Variants in CUL2 observed in about 807,000 individuals in gnomAD.
CUL2 encodes cullin 2.
A neutral mutation model predicts 110.2 loss-of-function variants in CUL2; 22 were observed. The ratio of observed to expected loss-of-function variants is 0.20; its 90% CI spans 0.14 to 0.28. CUL2 has a LOEUF of 0.28. Ranked by LOEUF, CUL2 falls within the 10% of genes least tolerant of loss-of-function variation. The probability of loss-of-function intolerance (pLI) is 1.00; values close to 1 mark genes in which losing one functional copy is unlikely to be tolerated. For missense variants in CUL2, 631 were observed against 905.5 expected, an observed-to-expected ratio of 0.70 and a Z score of 3.89; for synonymous variants, 279 against 293.2, an observed-to-expected ratio of 0.95 and a Z score of 0.49.
chr10:35,056,095 T>C (rs934661213), intron 4 of CUL2, among the ~76,000 whole-genome samples: 4 of 152,250 alleles, frequency 2.6e-5, no homozygotes, highest in African/African-American at 9.6e-5. Flanking sequence ...AATAATCCTA[T>C]GCTTTTATTG....
chr10:35,106,951 GTTT>G (rs111245197), intron 1 of CUL2, among the ~76,000 whole-genome samples: 7 of 150,366 alleles, frequency 4.7e-5, no homozygotes, highest in African/African-American at 1.5e-4. Context: ...CCCTTAACCT[GTTT>G]TTTTTTGTTG....
chr10:35,015,792 A>G lies in CUL2; in HGVS notation c.1887+400T>C, dbSNP rs527798947. ...TGGAATGGAGTTACACATATTAAAT[A>G]TGTGTACAAACAGACATCAACAGGC... On this transcript the variant is annotated intron_variant, in intron 18 of 20. Coordinates refer to ENST00000374749, the MANE Select transcript of CUL2 (RefSeq NM_003591.4). 1.2e-4 allele frequency among the ~76,000 whole-genome samples: 18 copies of G among 152,334 alleles called. No homozygotes were observed. In the South Asian group the frequency reaches 3.3e-3, roughly 28 times the overall value.
At chr10:35,123,176 A>AACAAG (rs1160842985) in intron 1 of CUL2, among the ~76,000 whole-genome samples, 1 of 151,598 alleles carries the variant, frequency 6.6e-6, no homozygotes, top group Non-Finnish European at 1.5e-5. Context: ...AACAAAACAA[A>AACAAG]ACAAAGGACT....
At chr10:35,039,344 A>G (rs1479565574) in intron 8 of CUL2, among the ~76,000 whole-genome samples, 2 of 152,356 alleles carry the variant, frequency 1.3e-5, no homozygotes, top group Non-Finnish European at 2.9e-5. Flanking sequence ...ATTTACCTAC[A>G]CCATTCATCC....
chr10:35,119,908 CAG>C (rs1251312050), intron 1 of CUL2: 2 of 152,156 alleles, frequency 1.3e-5, no homozygotes, highest in Non-Finnish European at 2.9e-5. Flanking sequence ...CTCTTTTCCT[CAG>C]ACTATATTGC....
At position 35,032,423 on chromosome 10, in the gene CUL2, C is replaced by A; in HGVS notation, c.1170+12G>T. ...TTTCATAAGATTACTTTTCAGCAAC[C>A]ACCAAACTTACCAGTTCAGGTGCTT... On this transcript the variant is annotated intron_variant, in intron 12 of 20. Transcript: ENST00000374749. The A allele has an allele frequency of 1.3e-6, 2 of 1,585,592 alleles. No homozygotes were observed. Among genetic ancestry groups the A allele is most frequent in the Non-Finnish European group, 1.7e-6 (2 of 1,169,926 alleles).
intron 1 of CUL2, 82 bp from the exon 2 acceptor site, chr10:35,071,421 T>G: frequency 1.3e-5 from 17 of 1,290,120 alleles, no homozygotes; most frequent in Non-Finnish European, 1.9e-5. Flanking sequence ...TTTGTTTGCT[T>G]TGAGACGGAG....
chr10:35,083,093 G>A (rs1414069712), intron 1 of CUL2, among the ~76,000 whole-genome samples: 1 of 149,612 alleles, frequency 6.7e-6, no homozygotes, highest in Non-Finnish European at 1.5e-5. Flanking sequence ...GGAGGCAAAG[G>A]TTGCAGTGAG....
At chr10:35,126,275 A>G (rs150787526) in intron 1 of CUL2, among the ~76,000 whole-genome samples, 2 of 152,314 alleles carry the variant, frequency 1.3e-5, no homozygotes, top group African/African-American at 4.8e-5. Flanking sequence ...CCAGTCAAAT[A>G]CTGGGATAAA....
chr10:35,121,111 G>A (rs1043779104), intron 1 of CUL2, among the ~76,000 whole-genome samples: 1 of 152,164 alleles, frequency 6.6e-6, no homozygotes, highest in Non-Finnish European at 1.5e-5. Flanking sequence ...TCCCCATAAT[G>A]TCATGTCTTC....
chr10:35,061,769 GTTTTT>G (rs570989508), intron 3 of CUL2, among the ~76,000 whole-genome samples: 1 of 128,518 alleles, frequency 7.8e-6, no homozygotes. Flanking sequence ...ACTTATGAGG[GTTTTT>G]TTTTTTTTTT....
chr10:35,086,717 T>G (rs1199915159), intron 1 of CUL2, among the ~76,000 whole-genome samples: 1 of 151,238 alleles, frequency 6.6e-6, no homozygotes, highest in Non-Finnish European at 1.5e-5. Context: ...GAACACCATC[T>G]CAAAATAAAT....
At chr10:35,105,541 TA>T (rs1051249205) in intron 1 of CUL2, among the ~76,000 whole-genome samples, 3 of 141,946 alleles carry the variant, frequency 2.1e-5, no homozygotes, top group African/African-American at 7.9e-5. Context: ...CCGTCTCTAC[TA>T]AAAAAATACA....
intron 5 of CUL2, among the ~76,000 whole-genome samples, chr10:35,052,679 A>G (rs568326858): frequency 1.3e-5 from 2 of 152,280 alleles, no homozygotes; most frequent in African/African-American, 4.8e-5. Flanking sequence ...GCGGATCACA[A>G]GGTCAGGAGA....
At position 35,039,027 on chromosome 10, in the gene CUL2, C is replaced by G; in HGVS notation, c.770G>C (p.Ser257Thr). The change falls in exon 9 of 21, where the codon AGT (serine) becomes ACT (threonine). Residue 257 changes from serine (S) to threonine (T), a missense_variant. Coordinates refer to ENST00000374749, the MANE Select transcript of CUL2 (RefSeq NM_003591.4). ...EIRCRKYLHP[S>T]SYTKVIHECQ... is the part of the protein sequence containing the mutation. ...TTCATGAATCACCTTAGTATATGAA[C>G]TTGGATGTAGGTATTTTCGACATCG... is the stretch of plus-strand genomic sequence containing the variant. 1 of 1,607,890 alleles carries G rather than the reference C, an allele frequency of 6.2e-7. No individual in the cohort carries two copies. The highest frequency in any genetic ancestry group is 8.5e-7 in the Non-Finnish European group (1 of 1,176,132).
At chr10:35,108,113 G>A (rs545265853) in intron 1 of CUL2, among the ~76,000 whole-genome samples, 2 of 152,104 alleles carry the variant, frequency 1.3e-5, no homozygotes, top group African/African-American at 2.4e-5. Context: ...AGGCCAGAAT[G>A]GATGCAGGCT....
chr10:35,061,023 C>T, intron 3 of CUL2, 55 bp from the exon 4 acceptor site: 1 of 1,522,490 alleles, frequency 6.6e-7, no homozygotes, highest in Non-Finnish European at 8.9e-7. Flanking sequence ...TTTTCACTGT[C>T]AACAATAAAA....
chr10:35,111,328 T>C (rs2087521814), intron 1 of CUL2, among the ~76,000 whole-genome samples: 1 of 151,998 alleles, frequency 6.6e-6, no homozygotes, highest in African/African-American at 2.4e-5. Flanking sequence ...TGTGGCTCAC[T>C]GCAGCCTCAA....
intron 6 of CUL2, among the ~76,000 whole-genome samples, chr10:35,049,473 C>T (rs529328547): frequency 6.7e-6 from 1 of 149,162 alleles, no homozygotes; most frequent in Non-Finnish European, 1.5e-5. Flanking sequence ...AAGACCAGAG[C>T]TCCCCCCACC....
Sources: gnomAD v4.1 joint callset for allele counts (sites outside exome capture counted in the v4.1 genomes callset) on GRCh38, gnomAD v4.1.1 for gene constraint, MANE v1.5 for transcripts, NCBI Gene and HGNC (gene_info 2026-07-23, HGNC 2026-07-21) for gene names.